The following SRGAP3 variants were observed in gnomAD, a reference collection of about 807,000 sequenced individuals.
The protein encoded by SRGAP3 is SLIT-ROBO Rho GTPase activating protein 3.
SRGAP3 carries 39 observed loss-of-function variants against 121.1 expected under a neutral mutation model. The ratio of observed to expected loss-of-function variants is 0.32; its 90% CI spans 0.25 to 0.42. The LOEUF (loss-of-function observed/expected upper bound fraction) is 0.42, where lower values mean the gene tolerates loss of function less well. Among genes scored for constraint, SRGAP3 ranks in the 10% least tolerant of loss-of-function variants. The pLI, the probability that SRGAP3 is intolerant of heterozygous loss-of-function variation, is 1.00. For missense variants in SRGAP3, 1,213 were observed against 1,470.6 expected, an observed-to-expected ratio of 0.82 and a Z score of 2.86; for synonymous variants, 601 against 570.0, an observed-to-expected ratio of 1.05 and a Z score of -0.77.
chr3:9,109,673 A>C lies in SRGAP3; in HGVS notation c.261-4831T>G, dbSNP rs1274403415. Among the ~76,000 whole-genome samples the C allele has an allele frequency of 6.6e-6, 1 of 152,136 alleles. No homozygotes were observed. Among genetic ancestry groups the C allele is most frequent in the African/African-American group, 2.4e-5 (1 of 41,432 alleles). ...AGTGATGAGGCAGCCTCATCAGTGC[A>C]GTCATGGGAAGGAGGCTATGGAGCA... On this transcript the variant is annotated intron_variant, in intron 2 of 21. Transcript: ENST00000383836. This position sits in a 1 kb window ranked among gnomAD's most constrained non-coding sequence, Gnocchi z 4.4.
chr3:9,202,910 A>G (rs773873379), intron 1 of SRGAP3, among the ~76,000 whole-genome samples: 19 of 152,086 alleles, frequency 1.2e-4, no homozygotes, highest in Non-Finnish European at 2.5e-4. Context: ...GGGAAAACCA[A>G]CTGCAGTGAC....
At chr3:9,217,261 C>G (rs963396834) in intron 1 of SRGAP3, 1 of 152,202 alleles carries the variant, frequency 6.6e-6, no homozygotes, top group Non-Finnish European at 1.5e-5. Context: ...AATTATACCC[C>G]AGCCCTAAGG....
chr3:9,350,908 T>G (rs1174371583), intron 1 of SRGAP3, among the ~76,000 whole-genome samples: 2 of 152,172 alleles, frequency 1.3e-5, no homozygotes, highest in Admixed American at 1.3e-4. Flanking sequence ...TTTACCACAG[T>G]GATTTATTAT....
chr3:9,303,554 C>T (rs544455046), intron 3 of SRGAP3, among the ~76,000 whole-genome samples: 2 of 152,190 alleles, frequency 1.3e-5, no homozygotes, highest in South Asian at 4.1e-4. Flanking sequence ...ATCTTGCATA[C>T]CTGAAATTTT....
At chr3:9,335,140 T>A (rs1461587683) in intron 1 of SRGAP3, among the ~76,000 whole-genome samples, 1 of 152,206 alleles carries the variant, frequency 6.6e-6, no homozygotes, top group East Asian at 1.9e-4. Context: ...TCAGCAGTTT[T>A]TCTGCTGGTT....
intron 1 of SRGAP3, among the ~76,000 whole-genome samples, chr3:9,338,204 G>T (rs987210588): frequency 1.3e-5 from 2 of 152,074 alleles, no homozygotes; most frequent in African/African-American, 4.8e-5. Context: ...GGGGGGAATG[G>T]GGCAGAAAAG....
At chr3:9,062,657 A>C (rs1328703877) in intron 5 of SRGAP3, among the ~76,000 whole-genome samples, 2 of 152,208 alleles carry the variant, frequency 1.3e-5, no homozygotes, top group African/African-American at 2.4e-5. Flanking sequence ...TCTTTCATTT[A>C]GCATACTGTT....
intron 9 of SRGAP3, among the ~76,000 whole-genome samples, chr3:9,052,618 G>C (rs1255975106): frequency 3.5e-4 from 53 of 152,298 alleles, no homozygotes; most frequent in Admixed American, 3.4e-3. Context: ...AGAGCAATTT[G>C]CTTGGATTTT....
intron 3 of SRGAP3, among the ~76,000 whole-genome samples, chr3:9,264,406 A>C (rs972659700): frequency 1.3e-5 from 2 of 152,226 alleles, no homozygotes; most frequent in Admixed American, 6.5e-5. Context: ...AAAAGTATTC[A>C]AATAGGAAGA....
At chr3:9,333,724 C>T (rs543538303) in intron 1 of SRGAP3, among the ~76,000 whole-genome samples, 7 of 151,934 alleles carry the variant, frequency 4.6e-5, no homozygotes, top group African/African-American at 1.5e-4. Context: ...ATCTGATCTG[C>T]GATAAAAGAA....
chr3:9,134,978 T>C (rs1949590285), intron 1 of SRGAP3, among the ~76,000 whole-genome samples: 1 of 152,218 alleles, frequency 6.6e-6, no homozygotes, highest in Non-Finnish European at 1.5e-5. Flanking sequence ...TACCTCATAT[T>C]GTTGTGAGAA....
chr3:9,016,325 A>C (rs2125041952), intron 14 of SRGAP3, among the ~76,000 whole-genome samples: 1 of 152,136 alleles, frequency 6.6e-6, no homozygotes, highest in Non-Finnish European at 1.5e-5. Context: ...ATGCCCCGAT[A>C]TTTTTGTTTG....
At chr3:9,312,214 G>T (rs1955260000) in intron 3 of SRGAP3, among the ~76,000 whole-genome samples, 2 of 152,124 alleles carry the variant, frequency 1.3e-5, no homozygotes. Context: ...GAGTGCAATG[G>T]TGCAATCTTG....
intron 4 of SRGAP3, 107 bp downstream of exon 4, chr3:9,079,917 CA>C: frequency 3.3e-6 from 4 of 1,209,884 alleles, no homozygotes; most frequent in Non-Finnish European, 3.6e-6. Flanking sequence ...TAAAACGCAG[CA>C]AAAAAGGCCT....
chr3:8,994,302 T>C (rs1205215133), intron 19 of SRGAP3, 41 bp downstream of exon 19: 1 of 1,612,018 alleles, frequency 6.2e-7, no homozygotes, highest in Admixed American at 1.7e-5. Context: ...ACATCACTAA[T>C]CTATTTCGGC....
chr3:9,020,357 A>T (rs1943855836), intron 14 of SRGAP3, among the ~76,000 whole-genome samples: 1 of 151,532 alleles, frequency 6.6e-6, no homozygotes, highest in African/African-American at 2.4e-5. Flanking sequence ...ATCCCAACTT[A>T]TAGAACAAGG....
Position 9,361,510 on chromosome 3 carries a change from T to C in SRGAP3, n.214+1330A>G, listed in dbSNP as rs374393816. Among the ~76,000 whole-genome samples the C allele has an allele frequency of 5.3e-5, 8 of 152,286 alleles. No individual in the cohort carries two copies. In the East Asian group the frequency reaches 9.6e-4, roughly 18 times the overall value. On this transcript the variant is annotated intron_variant and non_coding_transcript_variant, in intron 1 of 3. Coordinates refer to the SRGAP3 transcript ENST00000490889. ...TCACAATAAGTTAACTTTTGTCAAC[T>C]GAAAAATAAAAATAAAATTCTATGC...
chr3:8,993,091 C>T (rs79956133), intron 19 of SRGAP3, 36 bp from the exon 20 acceptor site: 23,607 of 1,612,248 alleles, frequency 0.015, 254 homozygotes, highest in Admixed American at 0.044. Flanking sequence ...GAGGCACCTT[C>T]CCCCAAAGAA....
At chr3:9,259,698 G>A (rs570448710) in intron 3 of SRGAP3, among the ~76,000 whole-genome samples, 6 of 152,218 alleles carry the variant, frequency 3.9e-5, no homozygotes, top group African/African-American at 7.2e-5. Flanking sequence ...ATTCTGCATC[G>A]GTGAAAATTT....
Sources: allele counts gnomAD v4.1 joint callset (sites outside exome capture counted in the v4.1 genomes callset), GRCh38; gene constraint gnomAD v4.1.1; non-coding constraint Gnocchi (gnomAD v3.1); transcripts MANE v1.5; gene names NCBI Gene and HGNC (gene_info 2026-07-23, HGNC 2026-07-21).